The following ATP2C1 variants were observed in gnomAD, a reference collection of about 807,000 sequenced individuals.
The protein encoded by ATP2C1 is calcium-transporting ATPase type 2C member 1.
ATP2C1 carries 31 observed loss-of-function variants against 120.5 expected under a neutral mutation model. That is an observed-to-expected ratio of 0.26 (90% CI 0.19 to 0.35). The LOEUF is 0.35. Among genes scored for constraint, ATP2C1 ranks in the 10% least tolerant of loss-of-function variants. ATP2C1 has a pLI of 1.00. For missense variants in ATP2C1, 731 were observed against 1,107.5 expected (o/e 0.66, Z 4.83); for synonymous variants, 351 against 358.7 (o/e 0.98, Z 0.24).
chr3:130,889,074 G>A (rs1432974395), intron 1 of ATP2C1, among the ~76,000 whole-genome samples: 1 of 152,164 alleles, frequency 6.6e-6, no homozygotes, highest in African/African-American at 2.4e-5. Context: ...CCTATCCAGC[G>A]GCTCAGCACT....
intron 1 of ATP2C1, among the ~76,000 whole-genome samples, chr3:130,864,872 A>T (rs2068118658): frequency 6.6e-6 from 1 of 152,184 alleles, no homozygotes; most frequent in Admixed American, 6.5e-5. Flanking sequence ...CTCATGGAGA[A>T]CTTCTGCCAG....
intron 1 of ATP2C1, among the ~76,000 whole-genome samples, chr3:130,880,407 G>A (rs987033542): frequency 2.6e-5 from 4 of 151,962 alleles, no homozygotes; most frequent in East Asian, 1.9e-4. Context: ...TTTCCAATTC[G>A]CCTAAATATT....
At chr3:130,999,742 T>C in intron 27 of ATP2C1, 83 bp downstream of exon 27, 2 of 1,310,662 alleles carry the variant, frequency 1.5e-6, no homozygotes, top group Non-Finnish European at 2.1e-6. Context: ...TTAAAATTCT[T>C]TTAAAATAGC....
chr3:130,943,542 T>C (rs775819253), intron 8 of ATP2C1, among the ~76,000 whole-genome samples: 6 of 152,184 alleles, frequency 3.9e-5, no homozygotes, highest in Non-Finnish European at 8.8e-5. Context: ...ATAAGAATTA[T>C]AAGCATATGT....
chr3:130,861,825 T>C (rs2068022428), intron 1 of ATP2C1, among the ~76,000 whole-genome samples: 1 of 152,096 alleles, frequency 6.6e-6, no homozygotes. Flanking sequence ...ACAAATACCA[T>C]AGGCATCACA....
At chr3:130,991,988 A>G (rs1436332140) in intron 20 of ATP2C1, among the ~76,000 whole-genome samples, 2 of 152,258 alleles carry the variant, frequency 1.3e-5, no homozygotes, top group Non-Finnish European at 2.9e-5. Context: ...AGAATGGTGT[A>G]TTATGTATAT....
At chr3:130,964,191 T>G (rs1442209531) in intron 13 of ATP2C1, 96 bp downstream of exon 13, 1 of 1,553,362 alleles carries the variant, frequency 6.4e-7, no homozygotes, top group Non-Finnish European at 8.8e-7. Context: ...CTTAGAGATT[T>G]GCATAATGAT....
rs930650583 is a variant in ATP2C1, at chr3:130,894,262, C to G, written c.-256C>G. The G allele has an allele frequency of 1.0e-6, 1 of 986,434 alleles. No homozygotes were observed. The highest frequency in any genetic ancestry group is 1.2e-6 in the Non-Finnish European group (1 of 830,574). The allele number at this position is 986,434 out of a possible 1,614,324, so 61.1% of individuals were successfully genotyped here. A position where few individuals can be genotyped will look rare whatever the true frequency, so the allele number is the denominator to read the frequency against. On this transcript the variant is annotated 5_prime_UTR_variant, in exon 1 of 28. Coordinates refer to ENST00000510168, the MANE Select transcript of ATP2C1 (RefSeq NM_001378687.1). This position sits in a 1 kb window ranked among gnomAD's most constrained non-coding sequence, Gnocchi z 4.5. The stretch of plus-strand genomic sequence containing the variant: ...GCCCCGCGAGCAGCTCCTCTTCTCC[C>G]GAGGCGCGCGGGGCGCCCCCGCGAG...
chr3:130,888,260 T>C (rs530637301), intron 1 of ATP2C1, among the ~76,000 whole-genome samples: 2 of 152,248 alleles, frequency 1.3e-5, no homozygotes, highest in South Asian at 4.1e-4. Context: ...TCACTTTTGT[T>C]GCTTCAAGCT....
chr3:130,920,527 C>T (rs537619105), intron 2 of ATP2C1, among the ~76,000 whole-genome samples: 2 of 152,196 alleles, frequency 1.3e-5, no homozygotes, highest in East Asian at 3.9e-4. Context: ...GTTCTTGTGG[C>T]TCTATATGTC....
At chr3:130,894,042 G>C, upstream of ATP2C1, 1 of 986,468 alleles carries the variant, frequency 1.0e-6, no homozygotes. The surrounding 1 kb of genome is among the most constrained non-coding windows in gnomAD (Gnocchi z 4.5). Flanking sequence ...CTGGGCGGCC[G>C]GCGGCGGGGA....
At chr3:130,957,363 C>A (rs1457599918) in intron 11 of ATP2C1, among the ~76,000 whole-genome samples, 1 of 152,092 alleles carries the variant, frequency 6.6e-6, no homozygotes, top group Admixed American at 6.6e-5. Flanking sequence ...TGGCTTAAGG[C>A]AGAGTTTTAA....
chr3:130,951,473 A>G (rs1031824561), intron 8 of ATP2C1, among the ~76,000 whole-genome samples: 6 of 152,202 alleles, frequency 3.9e-5, no homozygotes, highest in African/African-American at 1.4e-4. Context: ...ATGGTAAGCA[A>G]TGAAATGTCA....
chr3:130,936,231 G>A (rs115464454), intron 5 of ATP2C1, among the ~76,000 whole-genome samples: 2,145 of 152,028 alleles, frequency 0.014, 45 homozygotes, highest in African/African-American at 0.048. Flanking sequence ...AAATTGTTAC[G>A]AAATGTGGTA....
chr3:130,894,790 C>A lies in ATP2C1; in HGVS notation c.6+15C>A, dbSNP rs112703671. Reference sequence around the variant, plus strand: ...GGAAAATGAAGGTAAAGGCCCCTGGCCGACCGGTTGCAACGCGGAGTTGAG... The same window carrying A: ...GGAAAATGAAGGTAAAGGCCCCTGGACGACCGGTTGCAACGCGGAGTTGAG... On this transcript the variant is annotated intron_variant, in intron 2 of 27. Transcript: ENST00000510168. The surrounding 1 kb of genome is among the most constrained non-coding windows in gnomAD (Gnocchi z 4.5). 6.2e-7 allele frequency: 1 copy of A among 1,613,196 alleles called. No individual in the cohort carries two copies.
At chr3:130,981,848 A>G (rs995682814) in intron 20 of ATP2C1, among the ~76,000 whole-genome samples, 5 of 152,166 alleles carry the variant, frequency 3.3e-5, no homozygotes, top group Non-Finnish European at 5.9e-5. Flanking sequence ...TGCCATCCAT[A>G]TATCTTCTTT....
intron 7 of ATP2C1, 120 bp downstream of exon 7, chr3:130,940,811 G>A (rs2059857686): frequency 1.3e-6 from 1 of 765,804 alleles, no homozygotes; most frequent in Non-Finnish European, 2.2e-6. Context: ...CTATTAATCT[G>A]ACACAAAAAG....
intron 2 of ATP2C1, among the ~76,000 whole-genome samples, chr3:130,904,663 T>A (rs1471781256): frequency 6.6e-6 from 1 of 152,048 alleles, no homozygotes; most frequent in Non-Finnish European, 1.5e-5. Context: ...CCCATCATAC[T>A]TATCATGGGC....
chr3:130,950,681 T>C (rs2060334215), intron 8 of ATP2C1, among the ~76,000 whole-genome samples: 1 of 152,008 alleles, frequency 6.6e-6, no homozygotes, highest in African/African-American at 2.4e-5. Flanking sequence ...TCATGATCAT[T>C]TGAGTTTTAG....
Sources: allele counts gnomAD v4.1 joint callset (sites outside exome capture counted in the v4.1 genomes callset), GRCh38; gene constraint gnomAD v4.1.1; non-coding constraint Gnocchi (gnomAD v3.1); transcripts MANE v1.5; gene names NCBI Gene and HGNC (gene_info 2026-07-23, HGNC 2026-07-21).